Variants in ARFGEF1 observed in about 807,000 individuals in gnomAD.
The protein encoded by ARFGEF1 is brefeldin A-inhibited guanine nucleotide-exchange protein 1.
A neutral mutation model predicts 231.0 loss-of-function variants in ARFGEF1; 42 were observed. That is an observed-to-expected ratio of 0.18 (90% CI 0.14 to 0.24). ARFGEF1 has a LOEUF of 0.24. Ranked by LOEUF, ARFGEF1 falls within the 10% of genes least tolerant of loss-of-function variation. ARFGEF1 has a pLI of 1.00. For missense variants in ARFGEF1, 1,345 were observed against 2,192.0 expected, an observed-to-expected ratio of 0.61 and a Z score of 7.72; for synonymous variants, 710 against 732.3, an observed-to-expected ratio of 0.97 and a Z score of 0.49.
chr8:67,307,266 C>CAA, intron 1 of ARFGEF1, among the ~76,000 whole-genome samples: 1 of 152,166 alleles, frequency 6.6e-6, no homozygotes, highest in East Asian at 1.9e-4. Context: ...AATAAACTCA[C>CAA]AAAGGAAAAT....
At chr8:67,249,459 G>C (rs764569122) in intron 19 of ARFGEF1, among the ~76,000 whole-genome samples, 3 of 149,876 alleles carry the variant, frequency 2.0e-5, no homozygotes, top group Non-Finnish European at 4.4e-5. Flanking sequence ...GTAAGTCGAG[G>C]AGCATACAAG....
At chr8:67,229,514 T>C (rs1839486329) in intron 23 of ARFGEF1, among the ~76,000 whole-genome samples, 1 of 152,024 alleles carries the variant, frequency 6.6e-6, no homozygotes, top group Non-Finnish European at 1.5e-5. Context: ...GCTAAAGAAA[T>C]GTCTTAAGAT....
At chr8:67,296,949 G>A (rs1806262839) in intron 4 of ARFGEF1, among the ~76,000 whole-genome samples, 1 of 152,112 alleles carries the variant, frequency 6.6e-6, no homozygotes, top group South Asian at 2.1e-4. Context: ...ACCACACCCA[G>A]CCTTAAAGTG....
intron 10 of ARFGEF1, 132 bp downstream of exon 10, chr8:67,271,569 GA>G: frequency 4.8e-5 from 33 of 692,324 alleles, no homozygotes; most frequent in East Asian, 5.5e-5. Context: ...ACAGGTGAAT[GA>G]AAAAAAATAA....
chr8:67,294,550 G>T (rs1587244980), intron 5 of ARFGEF1, among the ~76,000 whole-genome samples: 1 of 152,080 alleles, frequency 6.6e-6, no homozygotes, highest in East Asian at 1.9e-4. Flanking sequence ...AAAACTAATG[G>T]GTATAATAGG....
rs541130204 is a variant in ARFGEF1, at chr8:67,198,506, A to G, written c.*428T>C. ...TGCTAAATATCTTTTACCATGAACA[A>G]TAATTTCTTCTTCTCTCCCCACTCC... On this transcript the variant is annotated 3_prime_UTR_variant, in exon 39 of 39. Transcript: ENST00000262215. The G allele has an allele frequency of 1.9e-5, 19 of 990,034 alleles. No homozygotes were observed. The South Asian group carries it at 7.9e-4, about 41-fold the overall frequency. The allele number at this position is 990,034 out of a possible 1,614,324, so 61.3% of individuals were successfully genotyped here.
chr8:67,177,382 T>A (rs1276093008), intron 5 of ARFGEF1, among the ~76,000 whole-genome samples: 1 of 152,192 alleles, frequency 6.6e-6, no homozygotes, highest in Non-Finnish European at 1.5e-5. Context: ...ATTGTAGAAA[T>A]CTGACAAGAT....
intron 22 of ARFGEF1, among the ~76,000 whole-genome samples, chr8:67,237,680 T>G (rs1363404566): frequency 2.0e-5 from 3 of 152,218 alleles, no homozygotes; most frequent in Non-Finnish European, 4.4e-5. Context: ...GATTAGATAT[T>G]ACTTTGTTTG....
intron 1 of ARFGEF1, among the ~76,000 whole-genome samples, chr8:67,314,313 A>G (rs974566150): frequency 3.3e-5 from 5 of 152,070 alleles, no homozygotes; most frequent in African/African-American, 1.2e-4. Context: ...AATTGCTACA[A>G]AATTCAGCTA....
intron 1 of ARFGEF1, among the ~76,000 whole-genome samples, chr8:67,340,344 A>G (rs1013963066): frequency 6.6e-5 from 10 of 152,140 alleles, no homozygotes; most frequent in African/African-American, 2.4e-4. Context: ...TTCACCATCC[A>G]ACACCTACCC....
At chr8:67,192,853 C>T (rs1484346953), downstream of ARFGEF1, among the ~76,000 whole-genome samples, 3 of 152,198 alleles carry the variant, frequency 2.0e-5, no homozygotes, top group African/African-American at 7.2e-5. Context: ...ATCTACATGT[C>T]TTTTCTTATG....
chr8:67,338,047 C>T (rs1808428992), intron 1 of ARFGEF1, among the ~76,000 whole-genome samples: 1 of 152,200 alleles, frequency 6.6e-6, no homozygotes, highest in African/African-American at 2.4e-5. Flanking sequence ...CAAATATTTC[C>T]CCAAATTATT....
In ARFGEF1 at chr8:67,343,281, C is replaced by G; in HGVS notation, c.7G>C (p.Glu3Gln). The G allele has an allele frequency of 5.0e-6, 8 of 1,613,434 alleles. No individual in the cohort carries two copies. In the South Asian group the frequency reaches 8.8e-5, roughly 18 times the overall value. Residue 3 changes from glutamate (E) to glutamine (Q), a missense_variant, in exon 1 of 39, where the codon GAG becomes CAG. By Grantham distance (29) the Glu-to-Gln change is conservative. Around this residue, in one of 14 missense-constraint regions of ARFGEF1, gnomAD observed 398 missense variants for 463.2 expected, o/e 0.86. Coordinates refer to ENST00000262215, the MANE Select transcript of ARFGEF1 (RefSeq NM_006421.5). ...AACATGTTCTTCGTCTTCTTCCCCT[C>G]ATACATGGACGCAGAGAAGGAGGCG... Reference protein sequence around the residue: MYEGKKTKNMFLT... With the variant: MYQGKKTKNMFLT...
intron 6 of ARFGEF1, among the ~76,000 whole-genome samples, chr8:67,290,189 G>A (rs989132704): frequency 6.6e-6 from 1 of 152,116 alleles, no homozygotes; most frequent in African/African-American, 2.4e-5. Context: ...AATCCCACAG[G>A]AAACTATGTC....
At chr8:67,331,778 C>G (rs1479421560) in intron 1 of ARFGEF1, among the ~76,000 whole-genome samples, 1 of 151,888 alleles carries the variant, frequency 6.6e-6, no homozygotes, top group African/African-American at 2.4e-5. Context: ...AAACACTGAT[C>G]AAAACCAATA....
At chr8:67,287,713 T>C (rs1805818063) in intron 7 of ARFGEF1, among the ~76,000 whole-genome samples, 1 of 152,250 alleles carries the variant, frequency 6.6e-6, no homozygotes, top group Non-Finnish European at 1.5e-5. Flanking sequence ...GGAATTCTTA[T>C]TTCCAGACTT....
intron 1 of ARFGEF1, among the ~76,000 whole-genome samples, chr8:67,337,913 T>C (rs1404959776): frequency 6.6e-6 from 1 of 152,212 alleles, no homozygotes; most frequent in Non-Finnish European, 1.5e-5. Context: ...ATCTGGAACA[T>C]ATGAGGAGTT....
Position 67,258,288 on chromosome 8 carries a change from A to C in ARFGEF1, c.2238T>G (p.Thr746=). ...TATCTCCCAGGAACTCACCCACTTG[A>C]GTCTAAAGTAAAAACAGAGATAGAA... ...FLHQEERLDS[T]QVGEFLGDND... is the part of the protein sequence containing the mutation. The change falls in exon 16 of 39, where the codon ACT becomes ACG. Residue 746 remains threonine, a splice_region_variant and synonymous_variant. Coordinates refer to ENST00000262215, the MANE Select transcript of ARFGEF1 (RefSeq NM_006421.5). 1 of 1,568,674 alleles carries C rather than the reference A, an allele frequency of 6.4e-7. No homozygotes were observed. The highest frequency in any genetic ancestry group is 2.2e-5 in the East Asian group (1 of 44,564).
intron 38 of ARFGEF1, chr8:67,199,424 G>T: frequency 4.9e-6 from 1 of 202,082 alleles, no homozygotes. Flanking sequence ...ATAAGCTATG[G>T]GTTACTGAAA....
Sources: allele counts gnomAD v4.1 joint callset (sites outside exome capture counted in the v4.1 genomes callset), GRCh38; gene constraint gnomAD v4.1.1; regional missense constraint gnomAD v4.1.1; transcripts MANE v1.5; gene names NCBI Gene and HGNC (gene_info 2026-07-23, HGNC 2026-07-21).